Variants in DEPTOR observed in about 807,000 individuals in gnomAD.
DEPTOR encodes DEP domain containing MTOR interacting protein.
Under a neutral mutation model 41.6 loss-of-function variants are expected in DEPTOR, and 41 were observed. The observed-to-expected ratio is 0.98, with a 90% confidence interval of 0.77 to 1.28. The LOEUF (loss-of-function observed/expected upper bound fraction) is 1.28, where lower values mean the gene tolerates loss of function less well. Ranked by LOEUF, DEPTOR falls within the 50% of genes most tolerant of loss-of-function variation. The pLI, the probability that DEPTOR is intolerant of heterozygous loss-of-function variation, is 0.00. For missense variants in DEPTOR, 514 were observed against 527.9 expected (o/e 0.97, Z 0.26); for synonymous variants, 195 against 192.3 (o/e 1.01, Z -0.12).
intron 4 of DEPTOR, among the ~76,000 whole-genome samples, chr8:119,989,953 A>G (rs1812125982): frequency 6.6e-6 from 1 of 152,142 alleles, no homozygotes. Flanking sequence ...AGAGTTACAG[A>G]TTTCTTTTGT....
At chr8:120,015,156 T>C (rs1245830236) in intron 8 of DEPTOR, among the ~76,000 whole-genome samples, 5 of 152,178 alleles carry the variant, frequency 3.3e-5, no homozygotes, top group Non-Finnish European at 5.9e-5. Flanking sequence ...TTCTGTAGTC[T>C]ACAAAGTTTA....
intron 4 of DEPTOR, among the ~76,000 whole-genome samples, chr8:119,965,846 C>G (rs1166099243): frequency 2.0e-5 from 3 of 152,162 alleles, no homozygotes; most frequent in African/African-American, 7.2e-5. Flanking sequence ...ATGATGTAAG[C>G]TGCCACAGTG....
In DEPTOR at chr8:119,873,768, T is replaced by G. The variant is rs929041936; in HGVS notation, c.-79T>G. 3.8e-6 allele frequency: 6 copies of G among 1,567,208 alleles called. No individual in the cohort carries two copies. Among genetic ancestry groups the G allele is most frequent in the Non-Finnish European group, 5.2e-6 (6 of 1,157,186 alleles). On this transcript the variant is annotated 5_prime_UTR_variant, in exon 1 of 9. Coordinates refer to ENST00000286234, the MANE Select transcript of DEPTOR (RefSeq NM_022783.4). ...CCGAACAAAGATGGCGCGGGAAGCG[T>G]CTGTGAGGGCAGACTGATCCGAGCA...
At chr8:119,887,262 C>T (rs1586598666) in intron 1 of DEPTOR, among the ~76,000 whole-genome samples, 1 of 143,390 alleles carries the variant, frequency 7.0e-6, no homozygotes, top group Non-Finnish European at 1.5e-5. Flanking sequence ...CAACCTCTGC[C>T]TCCAGGGTTC....
intron 8 of DEPTOR, among the ~76,000 whole-genome samples, chr8:120,015,390 T>C (rs1207248272): frequency 1.3e-5 from 2 of 152,218 alleles, no homozygotes; most frequent in Admixed American, 1.3e-4. Context: ...CATGTGGTCT[T>C]AGTCATTTTA....
chr8:119,928,863 T>C (rs1040196374), intron 2 of DEPTOR, among the ~76,000 whole-genome samples: 1 of 152,020 alleles, frequency 6.6e-6, no homozygotes, highest in African/African-American at 2.4e-5. Context: ...AGTGCTGGGA[T>C]TACAGGCGTG....
chr8:120,031,420 G>A (rs1201935350), intron 8 of DEPTOR, among the ~76,000 whole-genome samples: 1 of 152,032 alleles, frequency 6.6e-6, no homozygotes, highest in Non-Finnish European at 1.5e-5. Flanking sequence ...ACCCAAGATT[G>A]CGCCACTGCA....
At chr8:120,022,059 G>A (rs1812725506) in intron 8 of DEPTOR, among the ~76,000 whole-genome samples, 2 of 150,248 alleles carry the variant, frequency 1.3e-5, no homozygotes, top group Admixed American at 6.7e-5. Flanking sequence ...CTGGGAGGCT[G>A]AAGTGGGAGG....
At chr8:119,919,973 T>C (rs937993204) in intron 1 of DEPTOR, among the ~76,000 whole-genome samples, 2 of 152,198 alleles carry the variant, frequency 1.3e-5, no homozygotes, top group African/African-American at 4.8e-5. Flanking sequence ...CTCTTAGGGC[T>C]GGAAGAGGAA....
intron 4 of DEPTOR, among the ~76,000 whole-genome samples, chr8:119,997,314 A>C (rs911617691): frequency 6.6e-6 from 1 of 152,082 alleles, no homozygotes. Flanking sequence ...GGCTCAGTGC[A>C]GCCTCAACCT....
chr8:120,038,234 A>C (rs1052846027), intron 8 of DEPTOR, among the ~76,000 whole-genome samples: 55 of 148,626 alleles, frequency 3.7e-4, no homozygotes, highest in Admixed American at 1.4e-3. Flanking sequence ...GTGCCACTGC[A>C]CTCCAGCCTG....
chr8:119,954,133 A>C (rs1408839154), intron 3 of DEPTOR, among the ~76,000 whole-genome samples: 1 of 151,264 alleles, frequency 6.6e-6, no homozygotes, highest in Admixed American at 6.6e-5. Context: ...ATTTGGGTGA[A>C]TGAATAATTA....
intron 3 of DEPTOR, among the ~76,000 whole-genome samples, chr8:119,962,092 A>T (rs997655936): frequency 2.0e-5 from 3 of 150,362 alleles, no homozygotes; most frequent in Non-Finnish European, 3.0e-5. Context: ...AATACAAAAA[A>T]AAAAAAAAAA....
intron 8 of DEPTOR, among the ~76,000 whole-genome samples, chr8:120,031,455 ACT>A (rs1413913156): frequency 4.0e-5 from 6 of 151,724 alleles, no homozygotes; most frequent in African/African-American, 1.2e-4. Flanking sequence ...ACAGAGTAAG[ACT>A]CTGTCTCAAA....
intron 8 of DEPTOR, among the ~76,000 whole-genome samples, chr8:120,042,767 G>A (rs1813096666): frequency 6.6e-6 from 1 of 152,078 alleles, no homozygotes; most frequent in African/African-American, 2.4e-5. Flanking sequence ...TGATCCACCT[G>A]CCTTGGCCTC....
intron 4 of DEPTOR, among the ~76,000 whole-genome samples, chr8:119,996,140 G>C (rs2130065805): frequency 6.6e-6 from 1 of 152,278 alleles, no homozygotes; most frequent in East Asian, 1.9e-4. Context: ...TAAACACGTG[G>C]CAACCTTCAT....
intron 1 of DEPTOR, among the ~76,000 whole-genome samples, chr8:119,890,509 G>A (rs931144465): frequency 8.6e-5 from 13 of 151,784 alleles, no homozygotes; most frequent in African/African-American, 3.1e-4. Flanking sequence ...CACCATGTTG[G>A]CCAGGCTGGT....
chr8:119,909,955 A>G (rs1369468493), intron 1 of DEPTOR, among the ~76,000 whole-genome samples: 1 of 152,228 alleles, frequency 6.6e-6, no homozygotes, highest in African/African-American at 2.4e-5. Context: ...ATCTGGAGCT[A>G]CCACCTAAAG....
intron 4 of DEPTOR, among the ~76,000 whole-genome samples, chr8:119,979,874 G>A (rs1586642314): frequency 1.3e-5 from 2 of 152,170 alleles, no homozygotes; most frequent in South Asian, 4.2e-4. Flanking sequence ...TCTTAAGTGG[G>A]AACAAAATGT....
Sources: gnomAD v4.1 joint callset for allele counts (sites outside exome capture counted in the v4.1 genomes callset) on GRCh38, gnomAD v4.1.1 for gene constraint, MANE v1.5 for transcripts, NCBI Gene and HGNC (gene_info 2026-07-23, HGNC 2026-07-21) for gene names.